Variants in KIF5C observed in about 807,000 individuals in gnomAD.
KIF5C encodes kinesin heavy chain isoform 5C.
Under a neutral mutation model 125.2 loss-of-function variants are expected in KIF5C, and 18 were observed. The ratio of observed to expected loss-of-function variants is 0.14; its 90% CI spans 0.10 to 0.21. KIF5C has a LOEUF of 0.21. Ranked by LOEUF, KIF5C falls within the 10% of genes least tolerant of loss-of-function variation. The probability of loss-of-function intolerance (pLI) is 1.00; values close to 1 mark genes in which losing one functional copy is unlikely to be tolerated. For missense variants in KIF5C, 780 were observed against 1,183.8 expected (o/e 0.66, Z 5.01); for synonymous variants, 405 against 434.0 (o/e 0.93, Z 0.83).
At chr2:148,966,729 A>C (rs1000808372) in intron 11 of KIF5C, among the ~76,000 whole-genome samples, 4 of 152,140 alleles carry the variant, frequency 2.6e-5, no homozygotes, top group Non-Finnish European at 5.9e-5. Flanking sequence ...TGGTGATAGT[A>C]GGAGGTGGGG....
chr2:148,940,527 G>A (rs376571336), intron 4 of KIF5C, among the ~76,000 whole-genome samples: 1 of 152,190 alleles, frequency 6.6e-6, no homozygotes, highest in African/African-American at 2.4e-5. Flanking sequence ...GCTGGGACCA[G>A]TGCTGGGTTA....
intron 7 of KIF5C, among the ~76,000 whole-genome samples, chr2:148,945,844 C>T (rs985140299): frequency 1.6e-4 from 25 of 152,080 alleles, no homozygotes; most frequent in Admixed American, 1.5e-3. Flanking sequence ...ATGGATTTTT[C>T]TGCTTCTATA....
At chr2:148,916,879 A>G (rs1045290352) in intron 1 of KIF5C, among the ~76,000 whole-genome samples, 9 of 152,266 alleles carry the variant, frequency 5.9e-5, no homozygotes, top group Admixed American at 5.9e-4. Flanking sequence ...CGAGGCACAC[A>G]TCTGCTGCCT....
chr2:149,009,579 T>C (rs1007263869), intron 23 of KIF5C, among the ~76,000 whole-genome samples: 3 of 152,156 alleles, frequency 2.0e-5, no homozygotes, highest in Admixed American at 2.0e-4. Context: ...TACCTAGGGC[T>C]GGGCTGTTGC....
chr2:148,989,499 C>A (rs950566418), intron 15 of KIF5C, among the ~76,000 whole-genome samples: 3 of 152,150 alleles, frequency 2.0e-5, no homozygotes, highest in Admixed American at 6.6e-5. Context: ...TGGGTAGATA[C>A]CCAGTAGTGG....
At chr2:148,899,717 A>G (rs1680820561) in intron 1 of KIF5C, among the ~76,000 whole-genome samples, 2 of 151,770 alleles carry the variant, frequency 1.3e-5, no homozygotes, top group South Asian at 2.1e-4. Flanking sequence ...AAAAAAAAAA[A>G]AAAAAAAAGA....
At chr2:148,979,945 C>A (rs1272341506) in intron 13 of KIF5C, among the ~76,000 whole-genome samples, 1 of 152,180 alleles carries the variant, frequency 6.6e-6, no homozygotes, top group Non-Finnish European at 1.5e-5. Context: ...ATTAATAATT[C>A]CCTTGCTGAG....
At chr2:148,943,339 T>G (rs1202983329) in intron 7 of KIF5C, among the ~76,000 whole-genome samples, 1 of 152,184 alleles carries the variant, frequency 6.6e-6, no homozygotes, top group Non-Finnish European at 1.5e-5. Flanking sequence ...GTATGTTCAT[T>G]GCATCTCAGG....
At chr2:148,976,670 G>C (rs1230942530) in intron 12 of KIF5C, among the ~76,000 whole-genome samples, 1 of 151,718 alleles carries the variant, frequency 6.6e-6, no homozygotes, top group Non-Finnish European at 1.5e-5. Flanking sequence ...AACCTTCCAG[G>C]CTCAAGCCAT....
In KIF5C at chr2:148,896,179, A is replaced by C. The variant is rs534360771; in HGVS notation, c.126+20436A>C. On this transcript the variant is annotated intron_variant, in intron 1 of 25. Transcript: ENST00000435030. Reference sequence around the variant, plus strand: ...CTCTGAAGCCAGGAAACCCATCCTCAGCTCATGAAGGGTTTCCTGGCTTTT... The same window carrying C: ...CTCTGAAGCCAGGAAACCCATCCTCCGCTCATGAAGGGTTTCCTGGCTTTT... Among the ~76,000 whole-genome samples, 33 of 152,324 alleles carry C rather than the reference A, an allele frequency of 2.2e-4. No individual in the cohort carries two copies. In the East Asian group the frequency reaches 6.2e-3, roughly 29 times the overall value.
intron 7 of KIF5C, among the ~76,000 whole-genome samples, chr2:148,946,406 T>C (rs1682520631): frequency 6.6e-6 from 1 of 152,224 alleles, no homozygotes; most frequent in Non-Finnish European, 1.5e-5. Context: ...GCATAGGTTG[T>C]AGAAGTGTAT....
At chr2:149,015,275 G>A (rs886758891) in intron 25 of KIF5C, among the ~76,000 whole-genome samples, 1 of 152,168 alleles carries the variant, frequency 6.6e-6, no homozygotes, top group Non-Finnish European at 1.5e-5. Context: ...ATTAAAAAGG[G>A]GTAGTAATCA....
At chr2:148,944,382 A>C (rs1043379653) in intron 7 of KIF5C, among the ~76,000 whole-genome samples, 1 of 152,220 alleles carries the variant, frequency 6.6e-6, no homozygotes, top group African/African-American at 2.4e-5. Context: ...TAGGTACCTC[A>C]TGTAAGTGGA....
intron 21 of KIF5C, among the ~76,000 whole-genome samples, chr2:149,002,161 A>T (rs909612134): frequency 6.6e-6 from 1 of 152,274 alleles, no homozygotes; most frequent in African/African-American, 2.4e-5. Context: ...AATTATAGAA[A>T]TTCAGAAAAA....
chr2:148,951,249 T>C (rs1420641057), intron 10 of KIF5C, among the ~76,000 whole-genome samples: 1 of 152,164 alleles, frequency 6.6e-6, no homozygotes, highest in Admixed American at 6.5e-5. Context: ...AAGGAATCTT[T>C]ACCAGCACTG....
chr2:148,928,300 A>AGT (rs1682081940), intron 2 of KIF5C, among the ~76,000 whole-genome samples: 1 of 152,168 alleles, frequency 6.6e-6, no homozygotes, highest in Non-Finnish European at 1.5e-5. Context: ...AGGACACCTC[A>AGT]GTGTGGGGTC....
chr2:148,992,745 C>G (rs1681560130), intron 16 of KIF5C, among the ~76,000 whole-genome samples: 1 of 152,170 alleles, frequency 6.6e-6, no homozygotes, highest in African/African-American at 2.4e-5. Context: ...GTTTACACCA[C>G]TTTTTCTGGA....
intron 3 of KIF5C, among the ~76,000 whole-genome samples, chr2:148,931,111 GTTTGT>G (rs1177898719): frequency 2.0e-5 from 3 of 151,916 alleles, no homozygotes; most frequent in African/African-American, 7.3e-5. Flanking sequence ...TTTTTTGTTT[GTTTGT>G]TTTGTTTTAT....
intron 1 of KIF5C, among the ~76,000 whole-genome samples, chr2:148,919,208 G>A (rs573823149): frequency 7.2e-5 from 11 of 152,342 alleles, no homozygotes; most frequent in Middle Eastern, 6.8e-3. Flanking sequence ...ACTCAAGAGT[G>A]TAGACAGAAA....
Sources: gnomAD v4.1 joint callset for allele counts (sites outside exome capture counted in the v4.1 genomes callset) on GRCh38, gnomAD v4.1.1 for gene constraint, MANE v1.5 for transcripts, NCBI Gene and HGNC (gene_info 2026-07-23, HGNC 2026-07-21) for gene names.